Variants in VWF observed in about 807,000 individuals in gnomAD.
The protein encoded by VWF is Factor VIII related antigen.
VWF carries 176 observed loss-of-function variants against 308.6 expected under a neutral mutation model. That is an observed-to-expected ratio of 0.57 (90% CI 0.50 to 0.65). VWF has a LOEUF of 0.65. Among genes scored for constraint, VWF ranks in the 30% least tolerant of loss-of-function variants. VWF has a pLI of 0.00. For missense variants in VWF, 3,146 were observed against 3,648.2 expected (o/e 0.86, Z 3.55); for synonymous variants, 1,385 against 1,443.4 (o/e 0.96, Z 0.92).
intron 10 of VWF, among the ~76,000 whole-genome samples, chr12:6,067,372 T>C (rs570891555): frequency 1.3e-5 from 2 of 152,158 alleles, no homozygotes; most frequent in African/African-American, 4.8e-5. Context: ...AGCAAGAAAA[T>C]GGACTTCTGT....
At chr12:5,973,183 G>A (rs1943495701) in intron 43 of VWF, among the ~76,000 whole-genome samples, 1 of 152,098 alleles carries the variant, frequency 6.6e-6, no homozygotes, top group South Asian at 2.1e-4. Flanking sequence ...CACAACCAGG[G>A]TCCAACCTAT....
chr12:5,968,199 G>A, intron 45 of VWF, 32 bp from the exon 46 acceptor site: 3 of 1,613,560 alleles, frequency 1.9e-6, no homozygotes, highest in Middle Eastern at 1.6e-4. Context: ...AGTGAGAGTG[G>A]GCAAAACACA....
intron 10 of VWF, among the ~76,000 whole-genome samples, chr12:6,067,676 G>A (rs1748593359): frequency 6.6e-6 from 1 of 152,128 alleles, no homozygotes; most frequent in African/African-American, 2.4e-5. Flanking sequence ...ATGCGAACAC[G>A]CTCACCCATC....
intron 34 of VWF, among the ~76,000 whole-genome samples, chr12:6,000,520 C>G (rs1056490316): frequency 5.3e-5 from 8 of 152,052 alleles, no homozygotes; most frequent in Non-Finnish European, 1.2e-4. Context: ...AAGATATCTA[C>G]TAGAGACCCA....
At chr12:6,066,089 G>C (rs1331602139) in intron 10 of VWF, among the ~76,000 whole-genome samples, 1 of 152,152 alleles carries the variant, frequency 6.6e-6, no homozygotes, top group Non-Finnish European at 1.5e-5. Flanking sequence ...TCATCACCCT[G>C]CAACCCAAAG....
In VWF at chr12:5,949,182, T is replaced by C. The variant is rs776211115; in HGVS notation, c.8275A>G (p.Met2759Val). 10 of 1,614,178 alleles carry C rather than the reference T, an allele frequency of 6.2e-6. No homozygotes were observed. The highest frequency in any genetic ancestry group is 8.5e-6 in the Non-Finnish European group (10 of 1,180,038). ...ACATCGTTGATGTCAATGGAGTACA[T>C]GGCTTTGCTGGCACATTTGCCCTGC... ...YCQGKCASKAMYSIDINDVQD... is the reference protein window; with the variant it reads ...YCQGKCASKAVYSIDINDVQD... Residue 2759 changes from methionine to valine, a missense_variant, in exon 52 of 52, where the codon ATG (methionine) becomes GTG (valine). Physicochemically the swap from Met to Val is conservative, Grantham distance 21 (BLOSUM62 1). Transcript: ENST00000261405.
chr12:5,969,811 G>A (rs1943449757), intron 44 of VWF, among the ~76,000 whole-genome samples: 1 of 152,210 alleles, frequency 6.6e-6, no homozygotes, highest in Non-Finnish European at 1.5e-5. Context: ...AGCCCGGGAA[G>A]GCTGGCCTGG....
intron 47 of VWF, among the ~76,000 whole-genome samples, chr12:5,959,396 A>ATAT (rs1409414644): frequency 1.3e-5 from 2 of 152,326 alleles, no homozygotes; most frequent in Non-Finnish European, 2.9e-5. Flanking sequence ...ATGTTCTCTC[A>ATAT]GTAATTGATA....
intron 43 of VWF, among the ~76,000 whole-genome samples, chr12:5,973,661 T>C (rs969122847): frequency 2.0e-5 from 3 of 152,176 alleles, no homozygotes; most frequent in Non-Finnish European, 2.9e-5. Context: ...CCAACCCCAT[T>C]CCCTGGGGTG....
chr12:6,054,436 C>T (rs575725715), intron 15 of VWF, among the ~76,000 whole-genome samples: 13 of 152,208 alleles, frequency 8.5e-5, no homozygotes, highest in Non-Finnish European at 1.6e-4. Context: ...TAAAAAGCAG[C>T]TAGACTTGAG....
At chr12:6,036,126 C>T (rs1320395237) in intron 19 of VWF, among the ~76,000 whole-genome samples, 1 of 152,202 alleles carries the variant, frequency 6.6e-6, no homozygotes, top group Non-Finnish European at 1.5e-5. Flanking sequence ...AATCCAAAAT[C>T]CAAAACAGTT....
In VWF at chr12:6,029,503, A is replaced by G. The variant is rs914139778; in HGVS notation, c.2821-15T>C. On this transcript the variant is annotated splice_polypyrimidine_tract_variant and intron_variant, in intron 21 of 51. Coordinates refer to ENST00000261405, the MANE Select transcript of VWF (RefSeq NM_000552.5). ...TTCACATTCACCTGGAGGAAGACAA[A>G]GCAAGAAATCCAGGAGGATGAAGGG... 1.9e-6 allele frequency: 3 copies of G among 1,613,892 alleles called. No homozygotes were observed. Among genetic ancestry groups the G allele is most frequent in the Non-Finnish European group, 2.5e-6 (3 of 1,179,962 alleles).
chr12:6,019,123 G>GAT lies in VWF; in HGVS notation c.4294_4295insAT (p.Ala1432AspfsTer10). The stretch of plus-strand genomic sequence containing the variant: ...CAGCACGAAGGCCTTGTTCTCAGGG[G>GAT]CCTGCTTCTCGATGAGGCGGATCTG... On this transcript the variant is annotated frameshift_variant, in exon 28 of 52. Coordinates refer to ENST00000261405, the MANE Select transcript of VWF (RefSeq NM_000552.5). LOFTEE classifies it high-confidence loss of function. The surrounding 1 kb of genome is among the most constrained non-coding windows in gnomAD (Gnocchi z 5.8). 6.2e-7 allele frequency: 1 copy of GAT among 1,613,890 alleles called. No homozygotes were observed. The highest frequency in any genetic ancestry group is 1.7e-4 in the Middle Eastern group (1 of 6,056).
intron 1 of VWF, 37 bp from the exon 2 acceptor site, chr12:6,123,233 G>A (rs1781088200): frequency 3.1e-6 from 5 of 1,613,356 alleles, no homozygotes; most frequent in Admixed American, 1.7e-5. Context: ...GGTCATTGCT[G>A]CCCAGGTAGG....
At chr12:6,071,449 G>A in intron 9 of VWF, 106 bp from the exon 10 acceptor site, 1 of 1,299,572 alleles carries the variant, frequency 7.7e-7, no homozygotes, top group Non-Finnish European at 1.1e-6. Flanking sequence ...ACGAAGGGAT[G>A]TGGGAAAAGA....
intron 5 of VWF, among the ~76,000 whole-genome samples, chr12:6,096,173 T>C (rs1294871202): frequency 6.6e-6 from 1 of 151,942 alleles, no homozygotes. Flanking sequence ...ACAATTACGA[T>C]GAGGGAGATG....
chr12:5,968,045 C>G, intron 46 of VWF, 82 bp downstream of exon 46: 2 of 1,589,204 alleles, frequency 1.3e-6, no homozygotes, highest in Non-Finnish European at 1.7e-6. Flanking sequence ...TTCTGCTTTA[C>G]AATGACTTGC....
At chr12:6,100,814 G>C (rs1301211666) in intron 5 of VWF, among the ~76,000 whole-genome samples, 1 of 152,042 alleles carries the variant, frequency 6.6e-6, no homozygotes, top group African/African-American at 2.4e-5. Context: ...AATGGGTGCA[G>C]CACACCAGCA....
chr12:6,088,457 C>T (rs1012341217), intron 6 of VWF, among the ~76,000 whole-genome samples: 7 of 139,086 alleles, frequency 5.0e-5, no homozygotes, highest in African/African-American at 1.9e-4. Flanking sequence ...CCAGCCTGGG[C>T]GACAGAGCGA....
Sources: gnomAD v4.1 joint callset for allele counts (sites outside exome capture counted in the v4.1 genomes callset) on GRCh38, gnomAD v4.1.1 for gene constraint, Gnocchi (gnomAD v3.1) non-coding constraint, MANE v1.5 for transcripts, NCBI Gene and HGNC (gene_info 2026-07-23, HGNC 2026-07-21) for gene names.